The following PSD3 variants were observed in gnomAD, a reference collection of about 807,000 sequenced individuals.
The protein encoded by PSD3 is pleckstrin and Sec7 domain containing 3, also known as PH and SEC7 domain-containing protein 3.
In PSD3, 49 loss-of-function variants were observed where a neutral mutation model predicts 105.5. That is an observed-to-expected ratio of 0.46 (90% CI 0.37 to 0.59). The LOEUF (loss-of-function observed/expected upper bound fraction) is 0.59, where lower values mean the gene tolerates loss of function less well. Among genes scored for constraint, PSD3 ranks in the 20% least tolerant of loss-of-function variants. PSD3 has a pLI of 0.00. For synonymous variants in PSD3, 557 were observed against 457.8 expected (o/e 1.22, Z -2.77); for missense variants, 1,561 against 1,263.8 (o/e 1.24, Z -3.57).
At chr8:18,733,373 G>A (rs1159178154) in intron 9 of PSD3, 1 of 152,294 alleles carries the variant, frequency 6.6e-6, no homozygotes, top group Admixed American at 6.5e-5. Flanking sequence ...ATAAATGGAG[G>A]GGGTAATATA....
intron 10 of PSD3, 50 bp from the exon 11 acceptor site, chr8:18,632,856 CAA>C: frequency 7.3e-7 from 1 of 1,376,326 alleles, no homozygotes; most frequent in Admixed American, 2.6e-5. Flanking sequence ...TCATAATATT[CAA>C]AGAAAAAGGT....
chr8:18,680,004 A>G (rs1289277438), intron 9 of PSD3, among the ~76,000 whole-genome samples: 1 of 152,342 alleles, frequency 6.6e-6, no homozygotes, highest in South Asian at 2.1e-4. Context: ...CTACAACAAC[A>G]TAAAGAAACA....
At chr8:18,997,742 T>C (rs1826155906) in intron 1 of PSD3, among the ~76,000 whole-genome samples, 1 of 150,084 alleles carries the variant, frequency 6.7e-6, no homozygotes, top group South Asian at 2.1e-4. Context: ...GCCTCAGGGC[T>C]CTGCACCTGC....
intron 8 of PSD3, among the ~76,000 whole-genome samples, chr8:18,791,587 A>C (rs1385101917): frequency 6.6e-6 from 1 of 152,218 alleles, no homozygotes; most frequent in African/African-American, 2.4e-5. Flanking sequence ...CTCAAGATGG[A>C]TTTAAGACTT....
chr8:18,984,136 G>T (rs538207727), intron 1 of PSD3, among the ~76,000 whole-genome samples: 1 of 151,022 alleles, frequency 6.6e-6, no homozygotes, highest in Non-Finnish European at 1.5e-5. Context: ...TGAGCACAGT[G>T]GGAAAATGAT....
At chr8:18,918,082 T>A (rs572918117) in intron 2 of PSD3, among the ~76,000 whole-genome samples, 146 of 152,270 alleles carry the variant, frequency 9.6e-4, no homozygotes, top group South Asian at 3.5e-3. Context: ...ATTATTTTTT[T>A]AAAAAATTAA....
intron 4 of PSD3, among the ~76,000 whole-genome samples, chr8:18,832,404 C>T (rs1813750581): frequency 2.0e-5 from 3 of 151,992 alleles, no homozygotes; most frequent in Non-Finnish European, 4.4e-5. Context: ...AGATTCACAT[C>T]AGGATAAAAC....
At chr8:18,710,226 T>C (rs1436616701) in intron 9 of PSD3, among the ~76,000 whole-genome samples, 3 of 151,458 alleles carry the variant, frequency 2.0e-5, no homozygotes, top group East Asian at 3.9e-4. Flanking sequence ...AAACAGACCA[T>C]GTGGAGGAGA....
intron 12 of PSD3, among the ~76,000 whole-genome samples, chr8:18,595,692 T>C (rs985671470): frequency 6.6e-6 from 1 of 151,958 alleles, no homozygotes; most frequent in African/African-American, 2.4e-5. Flanking sequence ...CATATAATAA[T>C]GAGTCAATTC....
chr8:18,764,824 A>C (rs886744262), intron 9 of PSD3, among the ~76,000 whole-genome samples: 2 of 152,018 alleles, frequency 1.3e-5, no homozygotes, highest in Non-Finnish European at 2.9e-5. Context: ...CCCCCCAAAT[A>C]CTCATATTAT....
intron 8 of PSD3, among the ~76,000 whole-genome samples, chr8:18,779,827 G>T (rs1808437550): frequency 6.6e-6 from 1 of 152,086 alleles, no homozygotes; most frequent in Non-Finnish European, 1.5e-5. Flanking sequence ...TAATCGTTGA[G>T]ACTACTTTTG....
At chr8:18,931,251 G>A (rs1285222529) in intron 2 of PSD3, among the ~76,000 whole-genome samples, 1 of 151,766 alleles carries the variant, frequency 6.6e-6, no homozygotes, top group African/African-American at 2.4e-5. Flanking sequence ...GCGAAACCCT[G>A]ATCTAGTTAA....
At chr8:18,871,460 G>A (rs1208089752) in intron 3 of PSD3, among the ~76,000 whole-genome samples, 166 bp downstream of exon 3, 1 of 152,170 alleles carries the variant, frequency 6.6e-6, no homozygotes, top group Non-Finnish European at 1.5e-5. Flanking sequence ...AGAAGCTTAG[G>A]AGGAATCTTA....
chr8:18,712,202 A>C (rs1043659008), intron 9 of PSD3, among the ~76,000 whole-genome samples: 1 of 152,080 alleles, frequency 6.6e-6, no homozygotes, highest in African/African-American at 2.4e-5. Flanking sequence ...ACCTAACATC[A>C]CAACTAAAAG....
At chr8:18,907,165 T>G (rs1419425966) in intron 2 of PSD3, among the ~76,000 whole-genome samples, 1 of 152,204 alleles carries the variant, frequency 6.6e-6, no homozygotes, top group Non-Finnish European at 1.5e-5. Flanking sequence ...TTTTATAAAT[T>G]TAGCGTAGCC....
At chr8:18,844,482 C>G (rs1224785877) in intron 4 of PSD3, among the ~76,000 whole-genome samples, 1 of 152,104 alleles carries the variant, frequency 6.6e-6, no homozygotes, top group African/African-American at 2.4e-5. Flanking sequence ...TTTATCTTGA[C>G]TAAACATGAT....
intron 1 of PSD3, among the ~76,000 whole-genome samples, chr8:18,952,477 A>G (rs73202192): frequency 0.19 from 28,963 of 152,174 alleles, 3,117 homozygotes; most frequent in Non-Finnish European, 0.24. Context: ...TACACATGAT[A>G]GTAAAATCTG....
chr8:19,052,579 C>T lies in PSD3; in HGVS notation c.324+31627G>A, dbSNP rs951348120. On this transcript the variant is annotated intron_variant, in intron 1 of 1. Transcript: ENST00000521475. ...GTCTGGAAACTGTTTCTTGTAGTTT[C>T]TCTAGCTGTGCTTTATTACCTAAAC... 2.5e-4 allele frequency among the ~76,000 whole-genome samples: 38 copies of T among 152,258 alleles called. No individual in the cohort carries two copies. The South Asian group carries it at 3.7e-3, about 15-fold the overall frequency.
intron 1 of PSD3, among the ~76,000 whole-genome samples, chr8:18,958,364 C>T (rs1823709557): frequency 6.6e-6 from 1 of 152,058 alleles, no homozygotes; most frequent in African/African-American, 2.4e-5. Flanking sequence ...ATAGCTCCTG[C>T]CCTTTTGTTT....
Sources: allele counts gnomAD v4.1 joint callset (sites outside exome capture counted in the v4.1 genomes callset), GRCh38; gene constraint gnomAD v4.1.1; transcripts MANE v1.5; gene names NCBI Gene and HGNC (gene_info 2026-07-23, HGNC 2026-07-21).